The following FBXL17 variants were observed in gnomAD, a reference collection of about 807,000 sequenced individuals.
FBXL17 encodes F-box and leucine rich repeat protein 17.
Under a neutral mutation model 66.2 loss-of-function variants are expected in FBXL17, and 22 were observed. The observed-to-expected ratio is 0.33, with a 90% CI of 0.24 to 0.47. The LOEUF (loss-of-function observed/expected upper bound fraction) is 0.47, where lower values mean the gene tolerates loss of function less well. Ranked by LOEUF, FBXL17 falls within the 20% of genes least tolerant of loss-of-function variation. The pLI is 1.00. For missense variants in FBXL17, 878 were observed against 948.2 expected (o/e 0.93, Z 0.97); for synonymous variants, 474 against 400.5 (o/e 1.18, Z -2.19).
chr5:108,105,004 G>A (rs1193984360), intron 6 of FBXL17, among the ~76,000 whole-genome samples: 2 of 152,188 alleles, frequency 1.3e-5, no homozygotes, highest in East Asian at 1.9e-4. Flanking sequence ...ACGATGCCCA[G>A]CTAATTTTTT....
chr5:108,156,569 T>C (rs1290443115), intron 6 of FBXL17, among the ~76,000 whole-genome samples: 1 of 152,002 alleles, frequency 6.6e-6, no homozygotes, highest in East Asian at 1.9e-4. Flanking sequence ...GTGGAAATTT[T>C]AGCATCCTAT....
At chr5:108,372,292 A>G (rs1288465318) in intron 1 of FBXL17, among the ~76,000 whole-genome samples, 2 of 152,212 alleles carry the variant, frequency 1.3e-5, no homozygotes, top group Non-Finnish European at 2.9e-5. Context: ...TACATGTGGA[A>G]CCCCACCAAA....
At chr5:108,110,402 G>A (rs1209144317) in intron 6 of FBXL17, among the ~76,000 whole-genome samples, 1 of 148,020 alleles carries the variant, frequency 6.8e-6, no homozygotes, top group African/African-American at 2.5e-5. Flanking sequence ...AATAATTGCG[G>A]TACATCACAG....
At chr5:108,314,190 T>G (rs1759248488) in intron 4 of FBXL17, among the ~76,000 whole-genome samples, 1 of 151,788 alleles carries the variant, frequency 6.6e-6, no homozygotes, top group Non-Finnish European at 1.5e-5. Context: ...TCATGGAGCC[T>G]TAAATGCTAA....
chr5:108,354,213 A>T (rs1234547258), intron 3 of FBXL17, among the ~76,000 whole-genome samples: 1 of 152,216 alleles, frequency 6.6e-6, no homozygotes, highest in Non-Finnish European at 1.5e-5. Context: ...AGACAATTTC[A>T]GGAGACTGAA....
At chr5:108,326,809 AAAT>A (rs942395925) in intron 4 of FBXL17, among the ~76,000 whole-genome samples, 1 of 152,158 alleles carries the variant, frequency 6.6e-6, no homozygotes, top group African/African-American at 2.4e-5. Flanking sequence ...AAAAATCTAA[AAAT>A]AACACCACCT....
chr5:108,123,600 G>GA (rs60502213), intron 6 of FBXL17, among the ~76,000 whole-genome samples: 13 of 151,668 alleles, frequency 8.6e-5, no homozygotes, highest in South Asian at 2.1e-4. Flanking sequence ...TAGGATGAAA[G>GA]AAAAAAAACA....
At chr5:108,234,720 G>A (rs1755520645) in intron 4 of FBXL17, among the ~76,000 whole-genome samples, 1 of 152,176 alleles carries the variant, frequency 6.6e-6, no homozygotes, top group South Asian at 2.1e-4. Context: ...TGTATGTCCT[G>A]AGAACTGCTC....
chr5:108,360,047 T>G (rs551691413), intron 3 of FBXL17, among the ~76,000 whole-genome samples: 39 of 152,286 alleles, frequency 2.6e-4, no homozygotes, highest in African/African-American at 9.1e-4. Context: ...CAATATATAA[T>G]AATTCTGTCT....
intron 7 of FBXL17, among the ~76,000 whole-genome samples, chr5:107,950,942 T>C (rs1417864907): frequency 2.6e-5 from 4 of 152,188 alleles, no homozygotes; most frequent in African/African-American, 9.6e-5. Flanking sequence ...CAAATTATAA[T>C]AGCAACATCC....
At chr5:108,197,019 A>G (rs559964941) in intron 5 of FBXL17, among the ~76,000 whole-genome samples, 3 of 152,236 alleles carry the variant, frequency 2.0e-5, no homozygotes, top group Non-Finnish European at 4.4e-5. Context: ...TTCTCAATAT[A>G]CCAATTCAGA....
intron 6 of FBXL17, among the ~76,000 whole-genome samples, chr5:108,161,161 G>GATACATACATACATACATACATAC (rs36073647): frequency 0.01 from 1,564 of 149,298 alleles, 37 homozygotes; most frequent in East Asian, 0.071. Flanking sequence ...TCAACAAATA[G>GATACATACATACATACATACATAC]ATACATACAT....
intron 7 of FBXL17, among the ~76,000 whole-genome samples, chr5:107,897,907 A>AG (rs1749435157): frequency 6.9e-6 from 1 of 144,266 alleles, no homozygotes; most frequent in Non-Finnish European, 1.5e-5. Context: ...TGGATATGAT[A>AG]AAAAAGAAAG....
intron 7 of FBXL17, among the ~76,000 whole-genome samples, chr5:107,980,664 A>ATATATATATATATATATATATATATTTTT: frequency 8.1e-5 from 5 of 62,062 alleles, no homozygotes; most frequent in Admixed American, 1.7e-4. Context: ...ATATATATAT[A>ATATATATATATATATATATATATATTTTT]TTTTTTTTTT....
chr5:108,108,780 GTTTTTGTTTT>G (rs1749911692), intron 6 of FBXL17, among the ~76,000 whole-genome samples: 1 of 122,154 alleles, frequency 8.2e-6, no homozygotes, highest in African/African-American at 3.0e-5. Context: ...CTCACACTTT[GTTTTTGTTTT>G]TTTTTTTTTT....
At chr5:107,919,434 T>A (rs1421507405) in intron 7 of FBXL17, among the ~76,000 whole-genome samples, 1 of 152,200 alleles carries the variant, frequency 6.6e-6, no homozygotes, top group Admixed American at 6.5e-5. Context: ...ACAGCCAAAG[T>A]GATCCTCTTA....
intron 4 of FBXL17, among the ~76,000 whole-genome samples, chr5:108,255,981 A>T (rs532777268): frequency 1.3e-5 from 2 of 152,330 alleles, no homozygotes; most frequent in Admixed American, 1.3e-4. Context: ...GGTCTAGAAT[A>T]AAGCCAATTC....
intron 7 of FBXL17, among the ~76,000 whole-genome samples, chr5:108,009,298 T>TAC (rs1475870219): frequency 7.0e-5 from 5 of 71,414 alleles, no homozygotes; most frequent in South Asian, 9.4e-4. Flanking sequence ...TATATATATA[T>TAC]ATACATATAT....
At chr5:108,041,400 C>A (rs1002425730) in intron 6 of FBXL17, among the ~76,000 whole-genome samples, 1 of 151,952 alleles carries the variant, frequency 6.6e-6, no homozygotes, top group Non-Finnish European at 1.5e-5. Flanking sequence ...AGCAAATTGC[C>A]TTTTTGTTTT....
Sources: allele counts gnomAD v4.1 joint callset (sites outside exome capture counted in the v4.1 genomes callset), GRCh38; gene constraint gnomAD v4.1.1; transcripts MANE v1.5; gene names NCBI Gene and HGNC (gene_info 2026-07-23, HGNC 2026-07-21).